The following NBEA variants were observed in gnomAD, a reference collection of about 807,000 sequenced individuals.
The protein encoded by NBEA is neurobeachin.
A neutral mutation model predicts 343.4 loss-of-function variants in NBEA; 44 were observed. That is an observed-to-expected ratio of 0.13 (90% CI 0.10 to 0.16). The LOEUF (loss-of-function observed/expected upper bound fraction) is 0.16, where lower values mean the gene tolerates loss of function less well. Ranked by LOEUF, NBEA falls within the 10% of genes least tolerant of loss-of-function variation. The probability of loss-of-function intolerance (pLI) is 1.00; values close to 1 mark genes in which losing one functional copy is unlikely to be tolerated. For missense variants in NBEA, 2,555 were observed against 3,631.3 expected (o/e 0.70, Z 7.62); for synonymous variants, 1,175 against 1,238.7 (o/e 0.95, Z 1.08).
chr13:35,222,317 T>G (rs2074413228), intron 33 of NBEA, among the ~76,000 whole-genome samples: 1 of 152,064 alleles, frequency 6.6e-6, no homozygotes, highest in South Asian at 2.1e-4. Context: ...GATGGTAATT[T>G]TTTCCTTTCT....
chr13:35,393,049 G>C (rs2042581339), intron 38 of NBEA, among the ~76,000 whole-genome samples: 1 of 151,906 alleles, frequency 6.6e-6, no homozygotes, highest in Non-Finnish European at 1.5e-5. Flanking sequence ...CATTCTTTCT[G>C]AGAAGCTGTT....
chr13:35,582,190 G>A (rs1354197918), intron 45 of NBEA, among the ~76,000 whole-genome samples: 2 of 152,128 alleles, frequency 1.3e-5, no homozygotes, highest in Non-Finnish European at 2.9e-5. Flanking sequence ...GGAGGCTGAG[G>A]CAGGAGAATG....
At chr13:35,375,325 A>G (rs1315888075) in intron 38 of NBEA, among the ~76,000 whole-genome samples, 3 of 152,286 alleles carry the variant, frequency 2.0e-5, no homozygotes, top group East Asian at 1.9e-4. Flanking sequence ...CGCCGTCTCA[A>G]CGTAAGGTCA....
At chr13:35,281,674 G>A (rs1466768421) in intron 34 of NBEA, among the ~76,000 whole-genome samples, 1 of 151,730 alleles carries the variant, frequency 6.6e-6, no homozygotes, top group Non-Finnish European at 1.5e-5. Context: ...TATTATTTAA[G>A]TATTTCAAAG....
In NBEA at chr13:35,177,106, A is replaced by G. The variant is rs776647442; in HGVS notation, c.4662+3A>G. On this transcript the variant is annotated splice_donor_region_variant and intron_variant, in intron 28 of 58. Coordinates refer to ENST00000379939, the MANE Select transcript of NBEA (RefSeq NM_001385012.1). ...GTGCTGTTGTCTTTCGGGATGTGGT[A>G]AGTTATACCTGATTGGTTTCCCTGA... The G allele has an allele frequency of 2.5e-6, 4 of 1,582,164 alleles. No individual in the cohort carries two copies. Among genetic ancestry groups the G allele is most frequent in the Middle Eastern group, 1.7e-4 (1 of 6,038 alleles).
chr13:35,198,711 C>T (rs2072802452), intron 31 of NBEA, among the ~76,000 whole-genome samples: 1 of 150,636 alleles, frequency 6.6e-6, no homozygotes, highest in Non-Finnish European at 1.5e-5. Context: ...TTAATATATG[C>T]AATAGCTCAA....
intron 1 of NBEA, among the ~76,000 whole-genome samples, chr13:34,979,564 T>G (rs942219190): frequency 6.6e-6 from 1 of 152,102 alleles, no homozygotes; most frequent in Non-Finnish European, 1.5e-5. Flanking sequence ...GAAGTACCTA[T>G]TCAAATCTTT....
intron 31 of NBEA, among the ~76,000 whole-genome samples, chr13:35,201,761 G>A (rs2073037855): frequency 6.6e-6 from 1 of 151,902 alleles, no homozygotes; most frequent in South Asian, 2.1e-4. Flanking sequence ...GTCCCCCAAA[G>A]CAACAGATAG....
At chr13:35,069,534 C>T (rs2063785134) in intron 8 of NBEA, among the ~76,000 whole-genome samples, 1 of 151,952 alleles carries the variant, frequency 6.6e-6, no homozygotes, top group Non-Finnish European at 1.5e-5. Flanking sequence ...AATTCATGTG[C>T]CAGGCACTGT....
chr13:35,032,443 T>C (rs2062265070), intron 1 of NBEA, among the ~76,000 whole-genome samples: 1 of 151,988 alleles, frequency 6.6e-6, no homozygotes, highest in African/African-American at 2.4e-5. Flanking sequence ...GCCACACTTA[T>C]GTCTTCTTTT....
intron 36 of NBEA, among the ~76,000 whole-genome samples, chr13:35,322,832 G>T (rs1278157631): frequency 6.6e-6 from 1 of 152,072 alleles, no homozygotes; most frequent in Non-Finnish European, 1.5e-5. Context: ...CAAAATTTGT[G>T]ATCATAAATT....
chr13:35,479,621 A>T (rs1045230772), intron 41 of NBEA, among the ~76,000 whole-genome samples: 3 of 152,112 alleles, frequency 2.0e-5, no homozygotes, highest in African/African-American at 7.2e-5. Flanking sequence ...AGTGAATTTT[A>T]AAAAAATATC....
intron 40 of NBEA, among the ~76,000 whole-genome samples, chr13:35,465,080 C>T (rs990897744): frequency 3.9e-5 from 6 of 151,988 alleles, no homozygotes; most frequent in African/African-American, 1.4e-4. Context: ...CATTATAACT[C>T]TCATTGGTTT....
intron 41 of NBEA, among the ~76,000 whole-genome samples, chr13:35,498,979 G>T (rs1166838741): frequency 6.6e-6 from 1 of 152,078 alleles, no homozygotes; most frequent in African/African-American, 2.4e-5. Context: ...GACCACACCA[G>T]GCAATTGAAG....
intron 33 of NBEA, among the ~76,000 whole-genome samples, chr13:35,229,297 G>A (rs1052048829): frequency 2.0e-5 from 3 of 152,052 alleles, no homozygotes; most frequent in African/African-American, 7.2e-5. Context: ...CTTCCAAAGC[G>A]CTGGAATTAT....
chr13:35,646,416 T>TCACAA, intron 51 of NBEA, 68 bp downstream of exon 51: 1 of 1,187,734 alleles, frequency 8.4e-7, no homozygotes, highest in Non-Finnish European at 1.2e-6. Flanking sequence ...GCAAATAAAA[T>TCACAA]TGTGATTTTA....
At chr13:34,955,610 C>T (rs1451175510) in intron 1 of NBEA, among the ~76,000 whole-genome samples, 1 of 152,072 alleles carries the variant, frequency 6.6e-6, no homozygotes, top group Admixed American at 6.6e-5. Flanking sequence ...TGACAAGAGC[C>T]ACGAAAGAGT....
At chr13:35,456,972 ATTG>A (rs1183497029) in intron 40 of NBEA, among the ~76,000 whole-genome samples, 2 of 150,990 alleles carry the variant, frequency 1.3e-5, no homozygotes, top group Non-Finnish European at 3.0e-5. Context: ...ACATACGTAT[ATTG>A]TTATTAGTTT....
At position 35,164,440 on chromosome 13, in the gene NBEA, A is replaced by G; in HGVS notation, c.4164A>G (p.Gln1388=). The part of the protein sequence containing the change: ...FVHNTIHLIS[Q]MVDNIIIACG... ...ATAACACAATTCACCTCATTTCCCAAATGGTAGACAACATCATCATTGCTT... is the reference window on the plus strand; with the variant it reads ...ATAACACAATTCACCTCATTTCCCAGATGGTAGACAACATCATCATTGCTT... Residue 1388 remains glutamine, a synonymous_variant, in exon 24 of 59, where the codon CAA becomes CAG. Transcript: ENST00000379939. The G allele has an allele frequency of 6.2e-7, 1 of 1,608,998 alleles. No homozygotes were observed. The highest frequency in any genetic ancestry group is 1.1e-5 in the South Asian group (1 of 90,198).
Sources: allele counts gnomAD v4.1 joint callset (sites outside exome capture counted in the v4.1 genomes callset), GRCh38; gene constraint gnomAD v4.1.1; transcripts MANE v1.5; gene names NCBI Gene and HGNC (gene_info 2026-07-23, HGNC 2026-07-21).